Variants in GRB10 observed in about 807,000 individuals in gnomAD.
The protein encoded by GRB10 is growth factor receptor-bound protein 10.
In GRB10, 20 loss-of-function variants were observed where a neutral mutation model predicts 80.9. The ratio of observed to expected loss-of-function variants is 0.25; its 90% CI spans 0.17 to 0.36. The LOEUF (loss-of-function observed/expected upper bound fraction) is 0.36, where lower values mean the gene tolerates loss of function less well. Among genes scored for constraint, GRB10 ranks in the 10% least tolerant of loss-of-function variants. The probability of loss-of-function intolerance (pLI) is 1.00; values close to 1 mark genes in which losing one functional copy is unlikely to be tolerated. For synonymous variants in GRB10, 291 were observed against 291.5 expected, an observed-to-expected ratio of 1.00 and a Z score of 0.02; for missense variants, 548 against 747.7, an observed-to-expected ratio of 0.73 and a Z score of 3.12.
chr7:50,688,374 C>A (rs1030368084), intron 5 of GRB10, among the ~76,000 whole-genome samples: 1 of 152,054 alleles, frequency 6.6e-6, no homozygotes, highest in African/African-American at 2.4e-5. Flanking sequence ...CAGGGGATAC[C>A]AAAGAGGAAG....
chr7:50,660,126 C>T lies in GRB10; in HGVS notation c.504+9596G>A, dbSNP rs368399174. Among the ~76,000 whole-genome samples the T allele has an allele frequency of 2.7e-3, 416 of 152,250 alleles. 1 individual carries two copies. Among genetic ancestry groups the T allele is most frequent in the South Asian group, 0.018 (85 of 4,812 alleles). ...AAGGGGTGGGGCACAGTAGTGGTGC[C>T]GCGTTCATGCAGTAAAGGGGCATGG... On this transcript the variant is annotated intron_variant, in intron 7 of 18. Transcript: ENST00000401949.
At chr7:50,742,823 A>C (rs1415746921) in intron 3 of GRB10, among the ~76,000 whole-genome samples, 1 of 152,048 alleles carries the variant, frequency 6.6e-6, no homozygotes, top group Non-Finnish European at 1.5e-5. Flanking sequence ...GTTGGTTTCT[A>C]TGATGTCTGC....
intron 5 of GRB10, among the ~76,000 whole-genome samples, chr7:50,677,993 A>T: frequency 6.6e-6 from 1 of 152,210 alleles, no homozygotes; most frequent in East Asian, 1.9e-4. Flanking sequence ...CTCTTCTAGG[A>T]AAATAACATG....
intron 4 of GRB10, among the ~76,000 whole-genome samples, chr7:50,708,843 T>C (rs1354937731): frequency 6.6e-6 from 1 of 152,020 alleles, no homozygotes; most frequent in Non-Finnish European, 1.5e-5. Flanking sequence ...ACCTGGCTAA[T>C]TTTTTGTATT....
Position 50,736,133 on chromosome 7 carries a change from A to G in GRB10, c.-46-3765T>C, listed in dbSNP as rs557832444. ...AAACCTCACCTCTACTAAAACTACA[A>G]AAATTAGCCAGGTGTGGTGGTATGT... On this transcript the variant is annotated intron_variant, in intron 3 of 18. Transcript: ENST00000401949. 5.3e-5 allele frequency among the ~76,000 whole-genome samples: 8 copies of G among 152,220 alleles called. No homozygotes were observed. In the East Asian group the frequency reaches 7.7e-4, roughly 15 times the overall value.
At chr7:50,702,495 C>T (rs1312855165) in intron 5 of GRB10, among the ~76,000 whole-genome samples, 1 of 152,192 alleles carries the variant, frequency 6.6e-6, no homozygotes, top group African/African-American at 2.4e-5. Context: ...ATTTTACATG[C>T]TATGTGTATG....
At position 50,777,366 on chromosome 7, in the gene GRB10, C is replaced by T. The variant is rs983607805; in HGVS notation, c.-217+3261G>A. On this transcript the variant is annotated intron_variant, in intron 2 of 18. Coordinates refer to ENST00000401949, the MANE Select transcript of GRB10 (RefSeq NM_001350814.2). ...AAGGCCCCACCTCTTAATAACATCA[C>T]GTTGGCCATTAGGTTTCAACACATG... is the stretch of plus-strand genomic sequence containing the variant. Among the ~76,000 whole-genome samples the T allele has an allele frequency of 5.3e-5, 8 of 151,014 alleles. 1 individual carries two copies. Among genetic ancestry groups the T allele is most frequent in the Admixed American group, 4.0e-4 (6 of 15,146 alleles).
intron 15 of GRB10, 167 bp downstream of exon 15, chr7:50,605,123 G>C: frequency 1.6e-6 from 1 of 645,036 alleles, no homozygotes; most frequent in South Asian, 1.8e-5. Context: ...TGGGAACATG[G>C]AAGGGGCCTA....
At chr7:50,629,515 C>T (rs1334337819) in intron 7 of GRB10, among the ~76,000 whole-genome samples, 2 of 152,154 alleles carry the variant, frequency 1.3e-5, no homozygotes, top group East Asian at 1.9e-4. Flanking sequence ...GGCCCCTCTG[C>T]CCCTGACACA....
In GRB10 at chr7:50,605,281, G is replaced by A. The variant is rs1465425795; in HGVS notation, c.1389+9C>T. On this transcript the variant is annotated intron_variant, in intron 15 of 18. Transcript: ENST00000401949. Reference sequence around the variant, plus strand: ...TGCCCCTCCAGGCTGGCCAGGGCCGGGGCCTTACCCTCCAGGCGTGGCCCT... The same window carrying A: ...TGCCCCTCCAGGCTGGCCAGGGCCGAGGCCTTACCCTCCAGGCGTGGCCCT... The A allele has an allele frequency of 1.2e-6, 2 of 1,605,886 alleles. No individual in the cohort carries two copies. Among genetic ancestry groups the A allele is most frequent in the East Asian group, 4.5e-5 (2 of 44,842 alleles).
intron 4 of GRB10, among the ~76,000 whole-genome samples, chr7:50,707,781 C>T (rs1354861635): frequency 6.6e-6 from 1 of 152,192 alleles, no homozygotes; most frequent in Non-Finnish European, 1.5e-5. Flanking sequence ...TGCTCCAGGC[C>T]TGTCCTGCAA....
chr7:50,714,445 C>T (rs182816884), intron 4 of GRB10, among the ~76,000 whole-genome samples: 3 of 152,272 alleles, frequency 2.0e-5, no homozygotes, highest in South Asian at 2.1e-4. Flanking sequence ...ATGCAGATCA[C>T]GAGGTCAGGA....
intron 13 of GRB10, among the ~76,000 whole-genome samples, chr7:50,609,014 T>C (rs540205295): frequency 4.5e-4 from 61 of 134,142 alleles, no homozygotes; most frequent in Non-Finnish European, 8.2e-4. Context: ...CAGGAGAAAA[T>C]AGTAAATGTA....
intron 17 of GRB10, among the ~76,000 whole-genome samples, chr7:50,603,172 CTA>C (rs772415462): frequency 1.3e-4 from 20 of 152,220 alleles, no homozygotes; most frequent in Non-Finnish European, 2.5e-4. Flanking sequence ...ATGGATGTAA[CTA>C]CTTCCTCAGG....
At chr7:50,748,161 ACC>A (rs1365702232) in intron 3 of GRB10, among the ~76,000 whole-genome samples, 1 of 151,906 alleles carries the variant, frequency 6.6e-6, no homozygotes, top group African/African-American at 2.4e-5. Context: ...GTAATCACTC[ACC>A]CCCCGCCCCA....
chr7:50,614,718 T>C, intron 12 of GRB10, 52 bp downstream of exon 12: 1 of 1,091,480 alleles, frequency 9.2e-7, no homozygotes, highest in Non-Finnish European at 1.4e-6. Context: ...AAGAAGTCAG[T>C]CTCCTGTGGG....
At chr7:50,789,395 G>A (rs2078821746) in intron 1 of GRB10, among the ~76,000 whole-genome samples, 1 of 152,190 alleles carries the variant, frequency 6.6e-6, no homozygotes, top group African/African-American at 2.4e-5. Context: ...CACACCTCGT[G>A]CTACCTTCCC....
chr7:50,706,270 A>G (rs2065024306), intron 4 of GRB10, among the ~76,000 whole-genome samples: 1 of 152,194 alleles, frequency 6.6e-6, no homozygotes, highest in Non-Finnish European at 1.5e-5. Context: ...TTCAGTAAAT[A>G]CTATTTTTTT....
chr7:50,689,977 G>A lies in GRB10; in HGVS notation c.139+13844C>T, dbSNP rs184918068. ...ACTAGACTCTGGCTGATTAGTACTG[G>A]TTAATTGTGGTTAAAAAGGAAAAAA... is the stretch of plus-strand genomic sequence containing the variant. On this transcript the variant is annotated intron_variant, in intron 5 of 18. Coordinates refer to ENST00000401949, the MANE Select transcript of GRB10 (RefSeq NM_001350814.2). Among the ~76,000 whole-genome samples, 185 of 150,906 alleles carry A rather than the reference G, an allele frequency of 1.2e-3. 2 individuals carry two copies. The highest frequency in any genetic ancestry group is 4.4e-3 in the African/African-American group (180 of 40,970).
Sources: gnomAD v4.1 joint callset for allele counts (sites outside exome capture counted in the v4.1 genomes callset) on GRCh38, gnomAD v4.1.1 for gene constraint, MANE v1.5 for transcripts, NCBI Gene and HGNC (gene_info 2026-07-23, HGNC 2026-07-21) for gene names.